The following TNPO1 variants were observed in gnomAD, a reference collection of about 807,000 sequenced individuals.
The protein encoded by TNPO1 is transportin 1, also known as transportin-1.
TNPO1 carries 8 observed loss-of-function variants against 119.5 expected under a neutral mutation model. The observed-to-expected ratio is 0.07, with a 90% CI of 0.04 to 0.12. The LOEUF (loss-of-function observed/expected upper bound fraction) is 0.12, where lower values mean the gene tolerates loss of function less well. Among genes scored for constraint, TNPO1 ranks in the 10% least tolerant of loss-of-function variants. The pLI is 1.00. For missense variants in TNPO1, 576 were observed against 1,089.8 expected, an observed-to-expected ratio of 0.53 and a Z score of 6.64; for synonymous variants, 362 against 363.0, an observed-to-expected ratio of 1.00 and a Z score of 0.03.
intron 4 of TNPO1, 48 bp downstream of exon 4, chr5:72,855,971 AT>A: frequency 6.4e-7 from 1 of 1,567,490 alleles, no homozygotes; most frequent in Non-Finnish European, 8.8e-7. Context: ...TAACTGGGTC[AT>A]TTTTAGAGAT....
intron 11 of TNPO1, 76 bp downstream of exon 11, chr5:72,883,308 G>A (rs2112421716): frequency 2.8e-6 from 2 of 709,360 alleles, no homozygotes; most frequent in Middle Eastern, 2.4e-4. Flanking sequence ...CTACTGTACA[G>A]TTTACTACCC....
intron 3 of TNPO1, among the ~76,000 whole-genome samples, chr5:72,855,171 T>G (rs2112278597): frequency 6.6e-6 from 1 of 150,608 alleles, no homozygotes; most frequent in East Asian, 2.0e-4. Context: ...AATTTGGGGG[T>G]TTTTAGTAGA....
At chr5:72,848,570 G>T in intron 2 of TNPO1, 72 bp downstream of exon 2, 1 of 958,628 alleles carries the variant, frequency 1.0e-6, no homozygotes, top group Non-Finnish European at 1.4e-6. Flanking sequence ...CGGCGGCCGG[G>T]GGCTCCCGTC....
intron 18 of TNPO1, among the ~76,000 whole-genome samples, chr5:72,893,982 G>A (rs1749241067): frequency 6.6e-6 from 1 of 152,186 alleles, no homozygotes; most frequent in Non-Finnish European, 1.5e-5. Flanking sequence ...CACCAGGGAA[G>A]CCTTGGTACC....
chr5:72,823,772 G>A (rs1044280800), intron 1 of TNPO1, among the ~76,000 whole-genome samples: 1 of 151,866 alleles, frequency 6.6e-6, no homozygotes. Context: ...TTGCCCCTAT[G>A]TAACTGAGCA....
chr5:72,875,824 G>A (rs1747723280), intron 8 of TNPO1, 87 bp downstream of exon 8: 12 of 1,415,768 alleles, frequency 8.5e-6, no homozygotes, highest in Non-Finnish European at 1.2e-5. Flanking sequence ...GATGGGAAGG[G>A]GACTATAAAA....
Position 72,851,295 on chromosome 5 carries a change from G to A in TNPO1, c.181G>A (p.Val61Ile). ...AGACTTTAACAACTACTTGATTTTT[G>A]TTCTTACAAAATTAAAATCTGAAGG... Reference protein sequence around the residue: ...YPDFNNYLIFVLTKLKSEDEP... With the variant: ...YPDFNNYLIFILTKLKSEDEP... The change falls in exon 3 of 25, where the codon GTT (valine) becomes ATT (isoleucine). Residue 61 changes from valine (V) to isoleucine (I), a missense_variant. This residue lies in a region of TNPO1 where 310 missense variants were observed against 583.0 expected (regional missense o/e 0.53). Coordinates refer to ENST00000337273, the MANE Select transcript of TNPO1 (RefSeq NM_002270.4). The A allele has an allele frequency of 6.3e-7, 1 of 1,597,932 alleles. No homozygotes were observed. Among genetic ancestry groups the A allele is most frequent in the Non-Finnish European group, 8.6e-7 (1 of 1,168,166 alleles).
chr5:72,834,907 T>C (rs1328449209), intron 1 of TNPO1, among the ~76,000 whole-genome samples: 1 of 152,238 alleles, frequency 6.6e-6, no homozygotes, highest in Non-Finnish European at 1.5e-5. Context: ...CCTTTTATCT[T>C]TTTATGCTTT....
intron 1 of TNPO1, among the ~76,000 whole-genome samples, chr5:72,826,242 C>T (rs1357509795): frequency 6.6e-6 from 1 of 152,086 alleles, no homozygotes; most frequent in Non-Finnish European, 1.5e-5. Flanking sequence ...TTTTGCATAG[C>T]ACATACAACC....
At chr5:72,875,268 C>T (rs558476886) in intron 7 of TNPO1, among the ~76,000 whole-genome samples, 147 of 152,292 alleles carry the variant, frequency 9.7e-4, no homozygotes, top group African/African-American at 3.3e-3. Context: ...ATTACCACCT[C>T]TCACCTTAAA....
intron 11 of TNPO1, among the ~76,000 whole-genome samples, chr5:72,883,572 T>C (rs992301233): frequency 1.3e-5 from 2 of 152,346 alleles, no homozygotes; most frequent in South Asian, 4.1e-4. Flanking sequence ...GTTTTCACGG[T>C]TCATTTTGTA....
chr5:72,817,399 A>G (rs1284091121), intron 1 of TNPO1, among the ~76,000 whole-genome samples: 1 of 152,226 alleles, frequency 6.6e-6, no homozygotes, highest in Non-Finnish European at 1.5e-5. Flanking sequence ...GCGTACAAGC[A>G]ACAGGGAACA....
chr5:72,858,510 G>A (rs370642881), intron 4 of TNPO1, among the ~76,000 whole-genome samples: 6 of 152,274 alleles, frequency 3.9e-5, no homozygotes, highest in African/African-American at 1.4e-4. Context: ...TCTTCCCAAA[G>A]AGGGGAGAAA....
chr5:72,875,542 C>T, intron 7 of TNPO1, 73 bp from the exon 8 acceptor site: 4 of 1,521,022 alleles, frequency 2.6e-6, no homozygotes, highest in South Asian at 1.2e-5. Context: ...TTAAATGTCA[C>T]CAACTTGCAG....
intron 3 of TNPO1, 75 bp from the exon 4 acceptor site, chr5:72,855,699 T>C: frequency 8.0e-7 from 1 of 1,256,770 alleles, no homozygotes; most frequent in Non-Finnish European, 1.1e-6. Flanking sequence ...TGAATATAAA[T>C]GTTTTTAAAA....
rs370811808 is a variant in TNPO1 at position 72,868,458 on chromosome 5, A to C, written c.596+2729A>C. ...AAAAAAAAAAAAAAAAAAAAAAAAA[A>C]ACACAAAATAATATATCAGGCATTT... On this transcript the variant is annotated intron_variant, in intron 6 of 24. Coordinates refer to ENST00000337273, the MANE Select transcript of TNPO1 (RefSeq NM_002270.4). 8.7e-3 allele frequency among the ~76,000 whole-genome samples: 992 copies of C among 113,390 alleles called. 35 individuals carry two copies. The highest frequency in any genetic ancestry group is 0.025 in the East Asian group (125 of 5,000). The allele number at this position is 113,390 out of a possible 152,430, so 74.4% of individuals were successfully genotyped here.
chr5:72,898,618 A>G (rs1749611202), intron 20 of TNPO1, among the ~76,000 whole-genome samples: 1 of 152,080 alleles, frequency 6.6e-6, no homozygotes. Flanking sequence ...CCATTATCTC[A>G]ATATTTCATA....
At chr5:72,898,546 G>A (rs186246279) in intron 20 of TNPO1, among the ~76,000 whole-genome samples, 6 of 152,022 alleles carry the variant, frequency 3.9e-5, no homozygotes, top group Non-Finnish European at 8.8e-5. Context: ...AAAAAGTGGG[G>A]TTTTTTAATT....
In TNPO1 at chr5:72,907,767, G is replaced by A. The variant is rs577001986; in HGVS notation, c.*36-942G>A. 7.9e-5 allele frequency among the ~76,000 whole-genome samples: 12 copies of A among 152,252 alleles called. No individual in the cohort carries two copies. In the South Asian group the frequency reaches 2.5e-3, roughly 32 times the overall value. ...ACATCAAGAAGGCAAGTGTAGGCAG[G>A]GTGTGATGGCCCACATCTATAATCC... On this transcript the variant is annotated intron_variant, in intron 24 of 24. Transcript: ENST00000337273.
Sources: gnomAD v4.1 joint callset for allele counts (sites outside exome capture counted in the v4.1 genomes callset) on GRCh38, gnomAD v4.1.1 for gene constraint, gnomAD v4.1.1 regional missense constraint, MANE v1.5 for transcripts, NCBI Gene and HGNC (gene_info 2026-07-23, HGNC 2026-07-21) for gene names.